KHDRBS2: variants seen among roughly 807,000 people sequenced by gnomAD.
The protein encoded by KHDRBS2 is KH domain-containing, RNA-binding, signal transduction-associated protein 2.
KHDRBS2 carries 26 observed loss-of-function variants against 44.3 expected under a neutral mutation model. The ratio of observed to expected loss-of-function variants is 0.59; its 90% confidence interval spans 0.43 to 0.81. The LOEUF (loss-of-function observed/expected upper bound fraction) is 0.81. Ranked by LOEUF, KHDRBS2 falls within the 40% of genes least tolerant of loss-of-function variation. KHDRBS2 has a pLI of 0.00. For synonymous variants in KHDRBS2, 194 were observed against 151.1 expected, an observed-to-expected ratio of 1.28 and a Z score of -2.08; for missense variants, 476 against 433.1, an observed-to-expected ratio of 1.10 and a Z score of -0.88.
the KHDRBS2 span, among the ~76,000 whole-genome samples, chr6:61,654,324 C>T: frequency 6.6e-6 from 1 of 151,870 alleles, no homozygotes; most frequent in Non-Finnish European, 1.5e-5. Context: ...ATACTTTCTG[C>T]CAACATCTCA....
intron 6 of KHDRBS2, among the ~76,000 whole-genome samples, chr6:61,740,815 G>A (rs572692808): frequency 3.3e-5 from 5 of 151,998 alleles, no homozygotes; most frequent in Admixed American, 1.3e-4. Flanking sequence ...ACCGTGATAC[G>A]ATTAAGAGTT....
the KHDRBS2 span, among the ~76,000 whole-genome samples, chr6:61,605,495 C>T: frequency 6.6e-6 from 1 of 152,160 alleles, no homozygotes; most frequent in Non-Finnish European, 1.5e-5. Flanking sequence ...CCTGGGTCCT[C>T]CCAATTCTTA....
intron 3 of KHDRBS2, among the ~76,000 whole-genome samples, chr6:62,021,353 C>G (rs188967871): frequency 3.3e-5 from 5 of 151,818 alleles, no homozygotes; most frequent in Admixed American, 3.3e-4. Context: ...ACAACAAATT[C>G]CCATGACACA....
chr6:62,192,770 CAT>C (rs1310776356), intron 1 of KHDRBS2, among the ~76,000 whole-genome samples: 2 of 152,110 alleles, frequency 1.3e-5, no homozygotes, highest in African/African-American at 4.8e-5. Context: ...TCACTCAGCA[CAT>C]GTTATAGAGA....
At chr6:61,582,066 A>G in the KHDRBS2 span, among the ~76,000 whole-genome samples, 2 of 151,906 alleles carry the variant, frequency 1.3e-5, no homozygotes, top group Non-Finnish European at 2.9e-5. Flanking sequence ...TTATTTAAGT[A>G]ATAAAAAGCA....
At chr6:61,717,778 T>A (rs1343464221) in intron 7 of KHDRBS2, among the ~76,000 whole-genome samples, 1 of 152,136 alleles carries the variant, frequency 6.6e-6, no homozygotes, top group Non-Finnish European at 1.5e-5. Context: ...TTTCTTCTTT[T>A]TTTCTTGCTC....
chr6:61,834,596 G>T (rs1792356383), intron 6 of KHDRBS2, among the ~76,000 whole-genome samples: 1 of 152,000 alleles, frequency 6.6e-6, no homozygotes, highest in Non-Finnish European at 1.5e-5. Context: ...CAAATGCAAA[G>T]ATGTCACTAT....
At chr6:61,874,166 T>C (rs1799066178) in intron 6 of KHDRBS2, among the ~76,000 whole-genome samples, 1 of 152,128 alleles carries the variant, frequency 6.6e-6, no homozygotes, top group Non-Finnish European at 1.5e-5. Context: ...AATTTATTCA[T>C]TTGAAGACTT....
At chr6:61,777,555 C>T (rs1369538938) in intron 6 of KHDRBS2, among the ~76,000 whole-genome samples, 2 of 152,130 alleles carry the variant, frequency 1.3e-5, no homozygotes, top group African/African-American at 2.4e-5. Context: ...TCATTCTATT[C>T]CTCATTTGGG....
chr6:61,702,969 A>T (rs1171739488), intron 7 of KHDRBS2, among the ~76,000 whole-genome samples: 1 of 151,888 alleles, frequency 6.6e-6, no homozygotes, highest in East Asian at 1.9e-4. Context: ...TAGAAAAATT[A>T]TACCTGCTAT....
At chr6:62,258,665 T>C (rs1000092590) in intron 1 of KHDRBS2, among the ~76,000 whole-genome samples, 1 of 152,040 alleles carries the variant, frequency 6.6e-6, no homozygotes, top group Admixed American at 6.6e-5. Context: ...ATATTAAATA[T>C]AAATGAATTT....
intron 1 of KHDRBS2, among the ~76,000 whole-genome samples, chr6:62,222,660 T>C (rs1831102837): frequency 6.6e-6 from 1 of 152,180 alleles, no homozygotes; most frequent in African/African-American, 2.4e-5. Flanking sequence ...AAATCTCATG[T>C]CCTTGCATTT....
the KHDRBS2 span, among the ~76,000 whole-genome samples, chr6:61,581,882 C>T: frequency 2.0e-5 from 3 of 151,020 alleles, no homozygotes; most frequent in South Asian, 6.2e-4. Flanking sequence ...CAAAAATTTA[C>T]CCTTTAAAAA....
At chr6:62,078,466 T>C (rs756110837) in intron 2 of KHDRBS2, among the ~76,000 whole-genome samples, 4 of 151,998 alleles carry the variant, frequency 2.6e-5, no homozygotes, top group Non-Finnish European at 4.4e-5. Context: ...AAAAATGTTA[T>C]GATTTTACCT....
At chr6:62,160,295 T>C (rs542656631) in intron 2 of KHDRBS2, among the ~76,000 whole-genome samples, 3 of 152,220 alleles carry the variant, frequency 2.0e-5, no homozygotes, top group African/African-American at 7.2e-5. Flanking sequence ...GGATTGTGAG[T>C]ACTTGAGTAG....
chr6:61,967,408 T>C (rs1373029234), intron 4 of KHDRBS2, among the ~76,000 whole-genome samples: 1 of 151,598 alleles, frequency 6.6e-6, no homozygotes, highest in Non-Finnish European at 1.5e-5. Flanking sequence ...AGATGATAGA[T>C]AGATAGACAG....
chr6:62,238,040 A>G (rs1187074906), intron 1 of KHDRBS2, among the ~76,000 whole-genome samples: 3 of 140,918 alleles, frequency 2.1e-5, no homozygotes, highest in African/African-American at 5.2e-5. Flanking sequence ...GCAACAGGGC[A>G]AGACTCTGTC....
the KHDRBS2 span, among the ~76,000 whole-genome samples, chr6:61,583,912 A>C: frequency 3.3e-5 from 5 of 151,512 alleles, no homozygotes; most frequent in Non-Finnish European, 7.4e-5. Context: ...TAATGTAGCT[A>C]TCTTATGTAT....
intron 4 of KHDRBS2, among the ~76,000 whole-genome samples, chr6:61,950,951 G>A (rs552563719): frequency 6.6e-6 from 1 of 152,106 alleles, no homozygotes; most frequent in Non-Finnish European, 1.5e-5. Flanking sequence ...AAATATCTCA[G>A]GCATACATAA....
Sources: gnomAD v4.1 joint callset for allele counts (sites outside exome capture counted in the v4.1 genomes callset) on GRCh38, gnomAD v4.1.1 for gene constraint, MANE v1.5 for transcripts, NCBI Gene and HGNC (gene_info 2026-07-23, HGNC 2026-07-21) for gene names.